The following SYNPR variants were observed in gnomAD, a reference collection of about 807,000 sequenced individuals.
The protein encoded by SYNPR is synaptoporin.
Under a neutral mutation model 32.9 loss-of-function variants are expected in SYNPR, and 23 were observed. That is an observed-to-expected ratio of 0.70 (90% CI 0.50 to 0.99). The LOEUF (loss-of-function observed/expected upper bound fraction) is 0.99. Ranked by LOEUF, SYNPR falls within the 50% of genes least tolerant of loss-of-function variation. The pLI, the probability that SYNPR is intolerant of heterozygous loss-of-function variation, is 0.00. For missense variants in SYNPR, 318 were observed against 349.3 expected, an observed-to-expected ratio of 0.91 and a Z score of 0.71; for synonymous variants, 146 against 135.9, an observed-to-expected ratio of 1.07 and a Z score of -0.52.
At chr3:63,203,737 C>G in the SYNPR span, among the ~76,000 whole-genome samples, 43,019 of 151,952 alleles carry the variant, frequency 0.28, 6,660 homozygotes, top group African/African-American at 0.4. Flanking sequence ...TGGCTTATGC[C>G]TGTAATCCCA....
chr3:63,338,824 C>G lies in SYNPR; in HGVS notation c.84+60082C>G, dbSNP rs149843931. Among the ~76,000 whole-genome samples, 619 of 152,328 alleles carry G rather than the reference C, an allele frequency of 4.1e-3. 3 individuals are homozygous for G. The highest frequency in any genetic ancestry group is 0.013 in the African/African-American group (551 of 41,576). On this transcript the variant is annotated intron_variant, in intron 2 of 5. Transcript: ENST00000478300. ...TCCGAAGCAGGGACATGTTCAGAAT[C>G]CAGCAATCCCAACACATGCCTACTC... is the stretch of plus-strand genomic sequence containing the variant.
At position 63,259,692 on chromosome 3, in the gene SYNPR, C is replaced by G. The variant is rs879857439; in HGVS notation, n.154+7106C>G. On this transcript the variant is annotated intron_variant and non_coding_transcript_variant, in intron 2 of 4. Coordinates refer to the SYNPR transcript ENST00000478456. ...ACAGGGATGCCCTCTCTCACCACTC[C>G]TATTCAACATAGTGTTGGAAGTTCT... Among the ~76,000 whole-genome samples, 7 of 152,324 alleles carry G rather than the reference C, an allele frequency of 4.6e-5. No homozygotes were observed. In the East Asian group the frequency reaches 1.4e-3, roughly 29 times the overall value.
the SYNPR span, among the ~76,000 whole-genome samples, chr3:63,205,724 C>A: frequency 6.6e-6 from 1 of 152,220 alleles, no homozygotes; most frequent in African/African-American, 2.4e-5. Context: ...GTGAAACTGG[C>A]TTCATATTTT....
intron 4 of SYNPR, among the ~76,000 whole-genome samples, chr3:63,562,164 T>A (rs1054187637): frequency 4.6e-5 from 7 of 152,200 alleles, no homozygotes; most frequent in African/African-American, 1.7e-4. Context: ...CTTATAGTTT[T>A]AAAAGCCAAT....
intron 2 of SYNPR, among the ~76,000 whole-genome samples, chr3:63,473,383 TATTG>T (rs34567548): frequency 0.26 from 38,767 of 151,478 alleles, 5,092 homozygotes; most frequent in East Asian, 0.29. Flanking sequence ...AGGGGAAGGA[TATTG>T]ATTGATTGAT....
chr3:63,608,268 G>A (rs539023275), intron 4 of SYNPR, among the ~76,000 whole-genome samples: 45 of 152,114 alleles, frequency 3.0e-4, no homozygotes, highest in African/African-American at 9.6e-4. Context: ...TAGAAATTTC[G>A]TTTGATATGG....
intron 2 of SYNPR, among the ~76,000 whole-genome samples, chr3:63,307,616 C>A (rs1291920550): frequency 6.6e-6 from 1 of 151,994 alleles, no homozygotes; most frequent in African/African-American, 2.4e-5. Context: ...CTGCCATCCC[C>A]TCACCTCAGC....
intron 2 of SYNPR, among the ~76,000 whole-genome samples, chr3:63,335,003 C>G (rs2087270398): frequency 1.3e-5 from 2 of 152,072 alleles, no homozygotes; most frequent in Non-Finnish European, 2.9e-5. Flanking sequence ...GGTACAGAGT[C>G]CAGGGAGAGA....
At chr3:63,557,184 C>A (rs1448522643) in intron 4 of SYNPR, among the ~76,000 whole-genome samples, 1 of 152,134 alleles carries the variant, frequency 6.6e-6, no homozygotes. Context: ...TTGCCTCGTA[C>A]AATGGTCCAA....
At chr3:63,354,123 T>C (rs1007617792) in intron 2 of SYNPR, among the ~76,000 whole-genome samples, 3 of 152,176 alleles carry the variant, frequency 2.0e-5, no homozygotes, top group East Asian at 1.9e-4. Context: ...AACTGTCTTA[T>C]AGAGTACATT....
chr3:63,258,484 C>T (rs993960455), intron 2 of SYNPR, among the ~76,000 whole-genome samples: 6 of 152,056 alleles, frequency 3.9e-5, no homozygotes, highest in Non-Finnish European at 7.4e-5. Context: ...GGGTACATAC[C>T]GAAATGAAGG....
chr3:63,603,043 T>C (rs893223438), intron 4 of SYNPR, among the ~76,000 whole-genome samples: 4 of 152,172 alleles, frequency 2.6e-5, no homozygotes, highest in Non-Finnish European at 4.4e-5. Flanking sequence ...GTAATTCTCA[T>C]TGTAGAGATT....
chr3:63,550,442 T>G (rs1702480463), intron 3 of SYNPR, among the ~76,000 whole-genome samples: 1 of 152,022 alleles, frequency 6.6e-6, no homozygotes. Flanking sequence ...GCTGGTAGGC[T>G]AAATATCCAG....
At chr3:63,381,756 C>A (rs924491530) in intron 2 of SYNPR, among the ~76,000 whole-genome samples, 1 of 152,092 alleles carries the variant, frequency 6.6e-6, no homozygotes, top group Non-Finnish European at 1.5e-5. Context: ...TGTTCATTCT[C>A]TCTGTGTATT....
intron 2 of SYNPR, among the ~76,000 whole-genome samples, chr3:63,413,375 C>T (rs139352664): frequency 0.016 from 2,489 of 152,160 alleles, 25 homozygotes; most frequent in Non-Finnish European, 0.023. Flanking sequence ...AGACTATTAA[C>T]GTAAAAGTTA....
In SYNPR at chr3:63,536,513, T is replaced by A. The variant is rs562582630; in HGVS notation, c.210-20030T>A. ...ATTTCTCTTACATTGCTAGTGGGAT[T>A]GTAAAATTGTAAAACCACTTTGGAA... is the stretch of plus-strand genomic sequence containing the variant. On this transcript the variant is annotated intron_variant, in intron 3 of 5. Transcript: ENST00000478300. Among the ~76,000 whole-genome samples the A allele has an allele frequency of 4.6e-5, 7 of 152,300 alleles. No homozygotes were observed. In the South Asian group the frequency reaches 1.4e-3, roughly 32 times the overall value.
intron 2 of SYNPR, among the ~76,000 whole-genome samples, chr3:63,432,678 G>A (rs1700014927): frequency 6.6e-6 from 1 of 152,210 alleles, no homozygotes; most frequent in South Asian, 2.1e-4. Flanking sequence ...AGGAGAGGGA[G>A]AGATGGTCCT....
chr3:63,229,515 C>A (rs1004990193), intron 1 of SYNPR, among the ~76,000 whole-genome samples: 5 of 152,068 alleles, frequency 3.3e-5, no homozygotes, highest in Non-Finnish European at 7.4e-5. Flanking sequence ...TTGGGACACC[C>A]TTTTGCAATG....
chr3:63,250,193 C>A (rs1259506118), intron 1 of SYNPR, among the ~76,000 whole-genome samples: 7 of 152,062 alleles, frequency 4.6e-5, no homozygotes, highest in Non-Finnish European at 1.0e-4. Flanking sequence ...TATGAATGTT[C>A]AGACCACAAA....
Sources: allele counts gnomAD v4.1 joint callset (sites outside exome capture counted in the v4.1 genomes callset), GRCh38; gene constraint gnomAD v4.1.1; transcripts MANE v1.5; gene names NCBI Gene and HGNC (gene_info 2026-07-23, HGNC 2026-07-21).